ZNF331: variants seen among roughly 807,000 people sequenced by gnomAD.
ZNF331 encodes the protein C2H2-like zinc finger protein rearranged in thyroid adenomas.
In ZNF331, 2 loss-of-function variants were observed where a neutral mutation model predicts 7.0. The observed-to-expected ratio is 0.29, with a 90% confidence interval of 0.12 to 0.90. The LOEUF is 0.90. Ranked by LOEUF, ZNF331 falls within the 40% of genes least tolerant of loss-of-function variation. The probability of loss-of-function intolerance (pLI) is 0.58; values close to 1 mark genes in which losing one functional copy is unlikely to be tolerated. For synonymous variants in ZNF331, 196 were observed against 205.4 expected, an observed-to-expected ratio of 0.95 and a Z score of 0.39; for missense variants, 432 against 587.7, an observed-to-expected ratio of 0.74 and a Z score of 2.74.
rs2089553486 is a variant in ZNF331, at chr19:53,558,132, A to T, written c.-74+2224A>T. ...ACTCTGCCCCACTAGCCACAAGACCAGGCCTCTGGGACATCTTGCCAACCC... is the reference window on the plus strand; with the variant it reads ...ACTCTGCCCCACTAGCCACAAGACCTGGCCTCTGGGACATCTTGCCAACCC... On this transcript the variant is annotated intron_variant, in intron 3 of 5. Coordinates refer to ENST00000449416, the MANE Select transcript of ZNF331 (RefSeq NM_001079906.2). This position sits in a 1 kb window ranked among gnomAD's most constrained non-coding sequence, Gnocchi z 4.5. Among the ~76,000 whole-genome samples the T allele has an allele frequency of 6.6e-6, 1 of 152,182 alleles. No homozygotes were observed. The highest frequency in any genetic ancestry group is 2.4e-5 in the African/African-American group (1 of 41,448).
At chr19:53,529,155 C>T (rs950686250) in intron 2 of ZNF331, among the ~76,000 whole-genome samples, 2 of 152,222 alleles carry the variant, frequency 1.3e-5, no homozygotes, top group South Asian at 2.1e-4. Flanking sequence ...ATAATCCCAG[C>T]GCTTTGGGAG....
At chr19:53,550,995 C>T (rs556054012) in intron 2 of ZNF331, among the ~76,000 whole-genome samples, 1 of 151,630 alleles carries the variant, frequency 6.6e-6, no homozygotes, top group South Asian at 2.1e-4. Context: ...CTATGCCTAG[C>T]TAATTATTGT....
intron 2 of ZNF331, among the ~76,000 whole-genome samples, chr19:53,530,402 G>A (rs984868501): frequency 6.6e-6 from 1 of 151,964 alleles, no homozygotes; most frequent in African/African-American, 2.4e-5. Context: ...TTCAACTGGA[G>A]ATTTAGACGG....
At chr19:53,543,304 T>C (rs1479199981) in intron 2 of ZNF331, among the ~76,000 whole-genome samples, 2 of 152,058 alleles carry the variant, frequency 1.3e-5, no homozygotes, top group Non-Finnish European at 1.5e-5. Flanking sequence ...TCGCCCTGTC[T>C]CCCAGGCTGG....
upstream of ZNF331, among the ~76,000 whole-genome samples, chr19:53,535,476 A>AT (rs2087711290): frequency 6.6e-6 from 1 of 152,126 alleles, no homozygotes; most frequent in African/African-American, 2.4e-5. Flanking sequence ...ACCTCTAAGC[A>AT]TGTGTGTGTT....
chr19:53,506,316 CAG>C, the ZNF331 span, among the ~76,000 whole-genome samples: 7 of 94,016 alleles, frequency 7.4e-5, no homozygotes, highest in African/African-American at 3.1e-4. Flanking sequence ...GCCTGGGCGA[CAG>C]AGCGAGACTC....
upstream of ZNF331, among the ~76,000 whole-genome samples, chr19:53,514,668 T>TTTTTTGAGC (rs2086856018): frequency 1.1e-5 from 1 of 90,238 alleles, no homozygotes; most frequent in African/African-American, 4.5e-5. Flanking sequence ...TTTTTTTTTT[T>TTTTTTGAGC]GAGACAGAGT....
chr19:53,530,017 C>T (rs1187037923), intron 2 of ZNF331, among the ~76,000 whole-genome samples: 1 of 152,112 alleles, frequency 6.6e-6, no homozygotes, highest in Admixed American at 6.5e-5. Context: ...CTTCTGAAGG[C>T]TGAAAAGGAA....
chr19:53,505,927 C>G, the ZNF331 span, among the ~76,000 whole-genome samples: 519 of 151,354 alleles, frequency 3.4e-3, 3 homozygotes, highest in African/African-American at 0.012. Context: ...GGAGGTCGCA[C>G]TAGCCGAGAT....
chr19:53,550,800 G>GTGCTAAGAT (rs1398859185), intron 2 of ZNF331, among the ~76,000 whole-genome samples: 15 of 149,774 alleles, frequency 1.0e-4, no homozygotes, highest in Non-Finnish European at 1.9e-4. Flanking sequence ...GCCTCCCAAA[G>GTGCTAAGAT]TGCTAAGATT....
chr19:53,557,979 CT>C (rs2089544526), intron 3 of ZNF331, among the ~76,000 whole-genome samples: 1 of 152,032 alleles, frequency 6.6e-6, no homozygotes, highest in African/African-American at 2.4e-5. Context: ...AAAAAATAAG[CT>C]TTGTGACTAA....
upstream of ZNF331, among the ~76,000 whole-genome samples, chr19:53,515,252 A>G (rs2569585): frequency 6.6e-5 from 10 of 152,328 alleles, no homozygotes; most frequent in East Asian, 7.7e-4. Flanking sequence ...ATCAGCTTCT[A>G]ACATTGATGA....
At chr19:53,575,626 A>G (rs1600513029) in intron 5 of ZNF331, among the ~76,000 whole-genome samples, 1 of 145,102 alleles carries the variant, frequency 6.9e-6, no homozygotes, top group African/African-American at 2.6e-5. Flanking sequence ...GGCTCACACC[A>G]CCATGCCTGG....
At position 53,558,992 on chromosome 19, in the gene ZNF331, C is replaced by T. The variant is rs1600396449; in HGVS notation, c.-74+3084C>T. Among the ~76,000 whole-genome samples, 4 of 150,476 alleles carry T rather than the reference C, an allele frequency of 2.7e-5. No individual in the cohort carries two copies. In the South Asian group the frequency reaches 8.4e-4, roughly 32 times the overall value. On this transcript the variant is annotated intron_variant, in intron 3 of 5. Transcript: ENST00000449416. This position sits in a 1 kb window ranked among gnomAD's most constrained non-coding sequence, Gnocchi z 4.5. ...CCATACACACATATACACACACATA[C>T]CCCATATATACACACATATACATAC...
intron 3 of ZNF331, among the ~76,000 whole-genome samples, chr19:53,566,570 TG>T (rs2090166500): frequency 6.6e-6 from 1 of 151,686 alleles, no homozygotes; most frequent in African/African-American, 2.4e-5. Flanking sequence ...TAAACCACAT[TG>T]TTTATACTGA....
chr19:53,531,301 C>T (rs2087529770), intron 2 of ZNF331, among the ~76,000 whole-genome samples: 1 of 152,186 alleles, frequency 6.6e-6, no homozygotes. Flanking sequence ...CCCGGTCATC[C>T]TTTCCAAAGA....
At chr19:53,504,121 ACTCT>A in the ZNF331 span, 6 of 357,266 alleles carry the variant, frequency 1.7e-5, no homozygotes, top group South Asian at 1.1e-4. Context: ...GTCCTTTTAC[ACTCT>A]CTCTTCACCT....
chr19:53,559,457 TATACACACC>T (rs1180690620), intron 3 of ZNF331, among the ~76,000 whole-genome samples: 1 of 149,742 alleles, frequency 6.7e-6, no homozygotes, highest in South Asian at 2.1e-4. Context: ...TACACACATA[TATACACACC>T]ATACACACAT....
chr19:53,557,253 C>T (rs778395692), intron 3 of ZNF331, among the ~76,000 whole-genome samples: 8 of 152,110 alleles, frequency 5.3e-5, no homozygotes, highest in Non-Finnish European at 8.8e-5. Flanking sequence ...CCACCGTGTC[C>T]GGCCACAGCA....
Sources: gnomAD v4.1 joint callset for allele counts (sites outside exome capture counted in the v4.1 genomes callset) on GRCh38, gnomAD v4.1.1 for gene constraint, Gnocchi (gnomAD v3.1) non-coding constraint, MANE v1.5 for transcripts, NCBI Gene and HGNC (gene_info 2026-07-23, HGNC 2026-07-21) for gene names.